TMEM132D: variants seen among roughly 807,000 people sequenced by gnomAD.
TMEM132D encodes mature OL transmembrane protein.
In TMEM132D, 21 loss-of-function variants were observed where a neutral mutation model predicts 62.3. The ratio of observed to expected loss-of-function variants is 0.34; its 90% CI spans 0.24 to 0.49. The LOEUF (loss-of-function observed/expected upper bound fraction) is 0.49. Ranked by LOEUF, TMEM132D falls within the 20% of genes least tolerant of loss-of-function variation. TMEM132D has a pLI of 0.99. For missense variants in TMEM132D, 1,346 were observed against 1,402.8 expected, an observed-to-expected ratio of 0.96 and a Z score of 0.65; for synonymous variants, 621 against 575.6, an observed-to-expected ratio of 1.08 and a Z score of -1.13.
At chr12:129,316,119 TTTG>T (rs1235589459) in intron 4 of TMEM132D, among the ~76,000 whole-genome samples, 2 of 152,106 alleles carry the variant, frequency 1.3e-5, no homozygotes, top group African/African-American at 2.4e-5. Flanking sequence ...CTTTTGTATT[TTTG>T]TTGTTGTTCT....
chr12:129,407,327 T>C (rs1159386177), intron 3 of TMEM132D, among the ~76,000 whole-genome samples: 2 of 152,178 alleles, frequency 1.3e-5, no homozygotes, highest in East Asian at 3.9e-4. Context: ...CTTGTAACAC[T>C]CTTTGTCACT....
chr12:129,353,845 A>G (rs1163156886), intron 3 of TMEM132D, among the ~76,000 whole-genome samples: 1 of 151,224 alleles, frequency 6.6e-6, no homozygotes, highest in Non-Finnish European at 1.5e-5. Context: ...TACAGCTCAA[A>G]CACCTCCTGA....
At position 129,306,707 on chromosome 12, in the gene TMEM132D, C is replaced by T. The variant is rs76870840; in HGVS notation, c.1299+30927G>A. On this transcript the variant is annotated intron_variant, in intron 4 of 8. Transcript: ENST00000422113. ...TGACTTTGGTTAACCCAGTATTTCGCATTCTTGGCAGAGCATTTTTTTAAA... is the reference window on the plus strand; with the variant it reads ...TGACTTTGGTTAACCCAGTATTTCGTATTCTTGGCAGAGCATTTTTTTAAA... Among the ~76,000 whole-genome samples the T allele has an allele frequency of 5.0e-3, 754 of 152,314 alleles. 4 individuals are homozygous for T. The highest frequency in any genetic ancestry group is 9.4e-3 in the Admixed American group (144 of 15,294).
At chr12:129,682,783 C>T (rs1201223764) in intron 2 of TMEM132D, 1 of 146,234 alleles carries the variant, frequency 6.8e-6, no homozygotes, top group African/African-American at 2.5e-5. Context: ...GGCGTGGACC[C>T]AGGAGGTGGA....
intron 2 of TMEM132D, among the ~76,000 whole-genome samples, chr12:129,535,771 TGTGTGCG>T (rs1172984991): frequency 0.08 from 5,368 of 66,874 alleles, 304 homozygotes; most frequent in African/African-American, 0.26. Context: ...ATTTAAGATT[TGTGTGCG>T]TGTGTGTGTG....
chr12:129,424,810 T>C lies in TMEM132D; in HGVS notation c.1116-86993A>G, dbSNP rs1304473885. Among the ~76,000 whole-genome samples the C allele has an allele frequency of 2.0e-5, 3 of 152,096 alleles. No individual in the cohort carries two copies. In the East Asian group the frequency reaches 5.8e-4, roughly 29 times the overall value. Reference sequence around the variant, plus strand: ...TAAAACAAGTGTATTGAGACATATTTAGAACATTATTTACTTATTTAAAGC... The same window carrying C: ...TAAAACAAGTGTATTGAGACATATTCAGAACATTATTTACTTATTTAAAGC... On this transcript the variant is annotated intron_variant, in intron 3 of 8. Transcript: ENST00000422113.
rs200211650 is a variant in TMEM132D, at chr12:129,137,174, A to G, written c.1444-52472T>C. Among the ~76,000 whole-genome samples the G allele has an allele frequency of 4.0e-5, 6 of 151,814 alleles. No individual in the cohort carries two copies. The East Asian group carries it at 1.2e-3, about 29-fold the overall frequency. On this transcript the variant is annotated intron_variant, in intron 5 of 8. Coordinates refer to ENST00000422113, the MANE Select transcript of TMEM132D (RefSeq NM_133448.3). Reference sequence around the variant, plus strand: ...CATCACTATCACAATCACCATCATCATCACCACCATCATCACAATCACCAT... The same window carrying G: ...CATCACTATCACAATCACCATCATCGTCACCACCATCATCACAATCACCAT...
At chr12:129,134,154 CTG>C (rs1244272796) in intron 5 of TMEM132D, among the ~76,000 whole-genome samples, 10 of 133,808 alleles carry the variant, frequency 7.5e-5, no homozygotes, top group Non-Finnish European at 1.4e-4. Flanking sequence ...GTGTCTGTGT[CTG>C]TGTGTGTGTC....
At position 129,540,066 on chromosome 12, in the gene TMEM132D, TA is replaced by T. The variant is rs533674616; in HGVS notation, c.969-8862del. ...CCATTAAGCCTAGTCTGTGGGCTTT[TA>T]TTTTTTTTTTTAAATTGCCAGCACA... On this transcript the variant is annotated intron_variant, in intron 2 of 8. Coordinates refer to ENST00000422113, the MANE Select transcript of TMEM132D (RefSeq NM_133448.3). Among the ~76,000 whole-genome samples, 24 of 37,268 alleles carry T rather than the reference TA, an allele frequency of 6.4e-4. No homozygotes were observed. In the South Asian group the frequency reaches 0.019, roughly 29 times the overall value. The allele number at this position is 37,268 out of a possible 152,430, so 24.4% of individuals were successfully genotyped here. A position where few individuals can be genotyped will look rare whatever the true frequency, so the allele number is the denominator to read the frequency against.
At chr12:129,478,874 A>G (rs1282172117) in intron 3 of TMEM132D, among the ~76,000 whole-genome samples, 1 of 152,162 alleles carries the variant, frequency 6.6e-6, no homozygotes, top group Non-Finnish European at 1.5e-5. Context: ...TTGTATGTGT[A>G]TTTGGCATTT....
At chr12:129,243,646 A>G (rs1235527256) in intron 4 of TMEM132D, among the ~76,000 whole-genome samples, 1 of 152,202 alleles carries the variant, frequency 6.6e-6, no homozygotes, top group Non-Finnish European at 1.5e-5. Flanking sequence ...CTTCATCTCC[A>G]CAATGATTTT....
chr12:129,090,415 C>G (rs1874868704), intron 5 of TMEM132D, among the ~76,000 whole-genome samples: 1 of 152,108 alleles, frequency 6.6e-6, no homozygotes, highest in South Asian at 2.1e-4. Context: ...CCTTTAATCC[C>G]AGCACTTGGG....
chr12:129,622,028 T>C (rs886196201), intron 2 of TMEM132D, among the ~76,000 whole-genome samples: 3 of 152,176 alleles, frequency 2.0e-5, no homozygotes, highest in African/African-American at 7.2e-5. Context: ...CCCTCAAGTG[T>C]TACCCAGTCT....
chr12:129,161,658 T>C (rs1000393517), intron 5 of TMEM132D, among the ~76,000 whole-genome samples: 14 of 152,206 alleles, frequency 9.2e-5, no homozygotes, highest in African/African-American at 3.1e-4. Flanking sequence ...TGGAGAGTCA[T>C]TGAAATTGTT....
In TMEM132D at chr12:129,886,521, G is replaced by A. The variant is rs539244438; in HGVS notation, c.79+16740C>T. Among the ~76,000 whole-genome samples the A allele has an allele frequency of 1.5e-3, 223 of 152,056 alleles. 1 individual carries two copies. The highest frequency in any genetic ancestry group is 0.01 in the Middle Eastern group (3 of 294). On this transcript the variant is annotated intron_variant, in intron 1 of 8. Transcript: ENST00000422113. ...AAACTCCTAGGAAGGTCTTTGCATCGCCCCTCCATTCATATAATGTAGTTT... is the reference window on the plus strand; with the variant it reads ...AAACTCCTAGGAAGGTCTTTGCATCACCCCTCCATTCATATAATGTAGTTT...
At chr12:129,315,895 C>T (rs943887659) in intron 4 of TMEM132D, among the ~76,000 whole-genome samples, 4 of 152,024 alleles carry the variant, frequency 2.6e-5, no homozygotes, top group African/African-American at 9.7e-5. Context: ...AGGAATTTAC[C>T]CATCTTTTCT....
rs763065893 is a variant in TMEM132D, at chr12:129,074,895, T to C, written c.2280A>G (p.Thr760=). 5.6e-6 allele frequency: 9 copies of C among 1,613,914 alleles called. No individual in the cohort carries two copies. The African/African-American group carries it at 9.3e-5, about 17-fold the overall frequency. The change falls in exon 9 of 9, where the codon ACA becomes ACG. Residue 760 remains threonine, a synonymous_variant. Transcript: ENST00000422113. ...KFKWPIIAAE[T]EGQGTLVKVE... ...CCTTGACCAGGGTGCCTTGTCCTTC[T>C]GTTTCCGCAGCAATGATAGGCCACT...
At chr12:129,380,931 A>G (rs1870931238) in intron 3 of TMEM132D, among the ~76,000 whole-genome samples, 1 of 152,194 alleles carries the variant, frequency 6.6e-6, no homozygotes, top group Admixed American at 6.5e-5. Context: ...GCCAGATGAA[A>G]TCTTTTCAAA....
chr12:129,348,793 A>C (rs1869772037), intron 3 of TMEM132D, among the ~76,000 whole-genome samples: 1 of 152,232 alleles, frequency 6.6e-6, no homozygotes, highest in African/African-American at 2.4e-5. Context: ...AGCCATTGGC[A>C]CCTGAACCAA....
Sources: allele counts gnomAD v4.1 joint callset (sites outside exome capture counted in the v4.1 genomes callset), GRCh38; gene constraint gnomAD v4.1.1; transcripts MANE v1.5; gene names NCBI Gene and HGNC (gene_info 2026-07-23, HGNC 2026-07-21).